Variants in ANKRD33B observed in about 807,000 individuals in gnomAD.
The protein encoded by ANKRD33B is ankyrin repeat domain 33B, also known as ankyrin repeat domain-containing protein 33B.
ANKRD33B carries 6 observed loss-of-function variants against 21.5 expected under a neutral mutation model. The observed-to-expected ratio is 0.28, with a 90% CI of 0.15 to 0.55. The LOEUF is 0.55. ANKRD33B is among the 20% of genes least tolerant of loss of function. The pLI is 0.94. For synonymous variants in ANKRD33B, 347 were observed against 342.4 expected (o/e 1.01, Z -0.15); for missense variants, 698 against 747.2 (o/e 0.93, Z 0.77).
At chr5:10,569,427 T>C (rs1735127699) in intron 1 of ANKRD33B, among the ~76,000 whole-genome samples, 1 of 151,888 alleles carries the variant, frequency 6.6e-6, no homozygotes, top group Non-Finnish European at 1.5e-5. Context: ...TGAAAGCCCA[T>C]CTCTAAAAAA....
rs937977169 is a variant in ANKRD33B, at chr5:10,564,161, C to T, written c.-307C>T. Among the ~76,000 whole-genome samples, 2 of 152,138 alleles carry T rather than the reference C, an allele frequency of 1.3e-5. No individual in the cohort carries two copies. Among genetic ancestry groups the T allele is most frequent in the Non-Finnish European group, 2.9e-5 (2 of 67,990 alleles). On this transcript the variant is annotated 5_prime_UTR_variant, in exon 1 of 4. Transcript: ENST00000296657. ...GTCCCCGCGCTCGAGAGAGCGCCTG[C>T]CTGGCTCTGAACTCTGGCCAGGAAG...
Position 10,641,225 on chromosome 5 carries a change from C to CTT in ANKRD33B, c.637+3079_637+3080dup, listed in dbSNP as rs772445527. ...TGTCCCCAGTCTTCTTCTTCTTCTTCTTTTTTTTTTTTTTTTTTTTTTTGA... is the reference window on the plus strand; with the variant it reads ...TGTCCCCAGTCTTCTTCTTCTTCTTCTTTTTTTTTTTTTTTTTTTTTTTTTGA... On this transcript the variant is annotated intron_variant, in intron 3 of 3. Transcript: ENST00000296657. 5.5e-3 allele frequency among the ~76,000 whole-genome samples: 425 copies of CTT among 77,396 alleles called. 5 individuals carry two copies. Among genetic ancestry groups the CTT allele is most frequent in the African/African-American group, 6.8e-3 (160 of 23,386 alleles). The allele number at this position is 77,396 out of a possible 152,430, so 50.8% of individuals were successfully genotyped here. A position where few individuals can be genotyped will look rare whatever the true frequency, so the allele number is the denominator to read the frequency against.
Position 10,574,105 on chromosome 5 carries a change from TACACAC to T in ANKRD33B, c.366+9278_366+9283del, listed in dbSNP as rs1212831407. Among the ~76,000 whole-genome samples the T allele has an allele frequency of 1.1e-4, 17 of 152,312 alleles. No individual in the cohort carries two copies. In the East Asian group the frequency reaches 3.1e-3, roughly 28 times the overall value. ...GCACAAACATGCGTGAGCAGGCGTG[TACACAC>T]ACACATACACACATATCATTCCACC... On this transcript the variant is annotated intron_variant, in intron 1 of 3. Coordinates refer to ENST00000296657, the MANE Select transcript of ANKRD33B (RefSeq NM_001164440.2).
chr5:10,625,454 G>A (rs1418210819), intron 2 of ANKRD33B, among the ~76,000 whole-genome samples: 3 of 152,182 alleles, frequency 2.0e-5, no homozygotes, highest in African/African-American at 7.2e-5. Context: ...GTGCTGTTGA[G>A]ACTGTGTTTT....
rs1432958363 is a variant in ANKRD33B, at chr5:10,650,597, A to G, written c.*484A>G. On this transcript the variant is annotated 3_prime_UTR_variant, in exon 4 of 4. Transcript: ENST00000296657. ...TATGAGTTCACACAGACATCATGGG[A>G]TTCTCCCCTTTTTGGCTGTTTGGTC... is the stretch of plus-strand genomic sequence containing the variant. 2 of 152,368 alleles carry G rather than the reference A, an allele frequency of 1.3e-5. No individual in the cohort carries two copies. Among genetic ancestry groups the G allele is most frequent in the Admixed American group, 1.3e-4 (2 of 15,274 alleles). 9.4% of individuals were successfully genotyped at this position (152,368 alleles called of 1,614,324 possible).
At chr5:10,649,134 G>T in intron 3 of ANKRD33B, 132 bp from the exon 4 acceptor site, 2 of 1,423,212 alleles carry the variant, frequency 1.4e-6, no homozygotes, top group Non-Finnish European at 1.8e-6. Flanking sequence ...AGTGAACTAG[G>T]TGCAGTCTGT....
chr5:10,639,268 A>G (rs532693625), intron 3 of ANKRD33B, among the ~76,000 whole-genome samples: 97 of 8,132 alleles, frequency 0.012, 20 homozygotes, highest in Non-Finnish European at 0.018. Flanking sequence ...GGTGACGTGG[A>G]GTTGCGCGGC....
chr5:10,624,736 G>GT, intron 2 of ANKRD33B: 1 of 456,744 alleles, frequency 2.2e-6, no homozygotes. Flanking sequence ...GGCTGCCCCT[G>GT]TCCCCATGGG....
At chr5:10,566,071 C>T (rs1735046820) in intron 1 of ANKRD33B, among the ~76,000 whole-genome samples, 1 of 152,210 alleles carries the variant, frequency 6.6e-6, no homozygotes, top group Non-Finnish European at 1.5e-5. Flanking sequence ...AATTACCTCC[C>T]ACCGTGTCCC....
chr5:10,575,728 C>G (rs1033847606), intron 1 of ANKRD33B, among the ~76,000 whole-genome samples: 3 of 152,160 alleles, frequency 2.0e-5, no homozygotes, highest in Non-Finnish European at 2.9e-5. Context: ...CAGGGAATTA[C>G]AGGGAGTGAA....
Position 10,655,165 on chromosome 5 carries a change from CT to C in ANKRD33B, c.*5053del, listed in dbSNP as rs1431098132. On this transcript the variant is annotated 3_prime_UTR_variant, in exon 4 of 4. Transcript: ENST00000296657. ...GATGCAGGAGGGCCGTGCTAGGCCC[CT>C]CTGCCCGCTTCTCTCCCTGCTGTTG... 6.6e-6 allele frequency: 1 copy of C among 152,384 alleles called. No homozygotes were observed. Among genetic ancestry groups the C allele is most frequent in the East Asian group, 1.9e-4 (1 of 5,330 alleles). 9.4% of individuals were successfully genotyped at this position (152,384 alleles called of 1,614,324 possible).
At chr5:10,648,239 C>T (rs1020175457) in intron 3 of ANKRD33B, among the ~76,000 whole-genome samples, 1 of 152,332 alleles carries the variant, frequency 6.6e-6, no homozygotes, top group African/African-American at 2.4e-5. Context: ...CCCCAGCCAG[C>T]TAGGCCGCAG....
At position 10,598,210 on chromosome 5, in the gene ANKRD33B, G is replaced by A. The variant is rs978211978; in HGVS notation, c.367-20123G>A. 2.1e-4 allele frequency among the ~76,000 whole-genome samples: 32 copies of A among 152,216 alleles called. 1 individual carries two copies. Among genetic ancestry groups the A allele is most frequent in the African/African-American group, 6.0e-4 (25 of 41,546 alleles). On this transcript the variant is annotated intron_variant, in intron 1 of 3. Coordinates refer to ENST00000296657, the MANE Select transcript of ANKRD33B (RefSeq NM_001164440.2). The stretch of plus-strand genomic sequence containing the variant: ...ACTTTTGAGTATTTTCTGACTTCTA[G>A]CCTGCCCCTTCTAGCACTCTCAATG...
At chr5:10,565,881 G>T (rs1236097144) in intron 1 of ANKRD33B, among the ~76,000 whole-genome samples, 1 of 152,208 alleles carries the variant, frequency 6.6e-6, no homozygotes, top group East Asian at 1.9e-4. Context: ...TTGCTCAGGA[G>T]CCTGCAGCTG....
At chr5:10,621,607 C>T (rs1312515711) in intron 2 of ANKRD33B, among the ~76,000 whole-genome samples, 1 of 152,162 alleles carries the variant, frequency 6.6e-6, no homozygotes, top group Non-Finnish European at 1.5e-5. Flanking sequence ...AGTGAAAACT[C>T]ATTAATTAGT....
At chr5:10,598,254 A>T (rs958072752) in intron 1 of ANKRD33B, among the ~76,000 whole-genome samples, 3 of 151,822 alleles carry the variant, frequency 2.0e-5, no homozygotes, top group Admixed American at 1.3e-4. Flanking sequence ...CGTTTTAACC[A>T]TATTTTATAT....
Position 10,651,011 on chromosome 5 carries a change from G to A in ANKRD33B, c.*898G>A, listed in dbSNP as rs1484096190. 6.6e-6 allele frequency: 1 copy of A among 152,310 alleles called. No homozygotes were observed. Among genetic ancestry groups the A allele is most frequent in the Non-Finnish European group, 1.5e-5 (1 of 68,036 alleles). The allele number at this position is 152,310 out of a possible 1,614,324, so 9.4% of individuals were successfully genotyped here. A position where few individuals can be genotyped will look rare whatever the true frequency, so the allele number is the denominator to read the frequency against. On this transcript the variant is annotated 3_prime_UTR_variant, in exon 4 of 4. Transcript: ENST00000296657. Reference sequence around the variant, plus strand: ...AGAAATACAAAATTAAGCCATATGTGCTCTTAAGTAATTCGAATCCAGATA... The same window carrying A: ...AGAAATACAAAATTAAGCCATATGTACTCTTAAGTAATTCGAATCCAGATA...
At chr5:10,577,390 G>A (rs1735347154) in intron 1 of ANKRD33B, among the ~76,000 whole-genome samples, 3 of 152,146 alleles carry the variant, frequency 2.0e-5, no homozygotes, top group South Asian at 2.1e-4. Flanking sequence ...TCAGCCTCCC[G>A]TAGATTACAG....
chr5:10,569,444 A>C (rs998375598), intron 1 of ANKRD33B, among the ~76,000 whole-genome samples: 3 of 151,900 alleles, frequency 2.0e-5, no homozygotes, highest in Non-Finnish European at 4.4e-5. Flanking sequence ...AAAAATACCA[A>C]AATTAGGCAG....
Sources: gnomAD v4.1 joint callset for allele counts (sites outside exome capture counted in the v4.1 genomes callset) on GRCh38, gnomAD v4.1.1 for gene constraint, MANE v1.5 for transcripts, NCBI Gene and HGNC (gene_info 2026-07-23, HGNC 2026-07-21) for gene names.